YTHDC2: variants seen among roughly 807,000 people sequenced by gnomAD.
YTHDC2 encodes the protein YTH N6-methyladenosine RNA binding protein C2, also known as 3'-5' RNA helicase YTHDC2.
In YTHDC2, 45 loss-of-function variants were observed where a neutral mutation model predicts 174.9. That is an observed-to-expected ratio of 0.26 (90% CI 0.20 to 0.33). The LOEUF (loss-of-function observed/expected upper bound fraction) is 0.33. YTHDC2 is among the 10% of genes least tolerant of loss of function. The probability of loss-of-function intolerance (pLI) is 1.00; values close to 1 mark genes in which losing one functional copy is unlikely to be tolerated. For missense variants in YTHDC2, 1,650 were observed against 1,723.7 expected (o/e 0.96, Z 0.76); for synonymous variants, 657 against 574.5 (o/e 1.14, Z -2.05).
chr5:113,518,149 A>G (rs982245789), intron 2 of YTHDC2, among the ~76,000 whole-genome samples: 6 of 150,016 alleles, frequency 4.0e-5, no homozygotes, highest in Non-Finnish European at 7.4e-5. Context: ...TGGCCTCCCA[A>G]AGTGCTGGGA....
chr5:113,557,726 C>T (rs976879544), intron 17 of YTHDC2, among the ~76,000 whole-genome samples: 23 of 151,982 alleles, frequency 1.5e-4, no homozygotes, highest in African/African-American at 5.1e-4. Flanking sequence ...CCTGGGAGGT[C>T]GAGGCTGCAG....
At chr5:113,526,834 T>A (rs1179507904) in intron 4 of YTHDC2, 49 bp downstream of exon 4, 48 of 354,844 alleles carry the variant, frequency 1.4e-4, no homozygotes, top group African/African-American at 7.7e-4. Flanking sequence ...AAAATATATA[T>A]ATATATATAT....
chr5:113,526,819 AAAAAAAAAT>A (rs753782889), intron 4 of YTHDC2, 34 bp downstream of exon 4: 130 of 403,510 alleles, frequency 3.2e-4, no homozygotes, highest in Non-Finnish European at 4.3e-4. Context: ...TAGAAAAAAA[AAAAAAAAAT>A]ATATATATAT....
chr5:113,589,209 T>C (rs67881502), intron 26 of YTHDC2, among the ~76,000 whole-genome samples: 11,742 of 151,512 alleles, frequency 0.077, 654 homozygotes, highest in Non-Finnish European at 0.1. Flanking sequence ...CTCATATGGT[T>C]CCACAGGTCA....
Position 113,541,057 on chromosome 5 carries a change from AATG to A in YTHDC2, c.1301_1303del (p.Asn434_Val435delinsMet), listed in dbSNP as rs1421801400. ...ATCTCAGAGGCAGAGAACTGTTCTA[AATG>A]TGACTGATGAGTATGACTTACTGGA... On this transcript the variant is annotated inframe_deletion, in exon 9 of 30. Coordinates refer to ENST00000161863, the MANE Select transcript of YTHDC2 (RefSeq NM_022828.5). 2 of 1,614,062 alleles carry A rather than the reference AATG, an allele frequency of 1.2e-6. No homozygotes were observed. The highest frequency in any genetic ancestry group is 2.7e-5 in the African/African-American group (2 of 74,916).
At chr5:113,543,357 G>T (rs537868904) in intron 10 of YTHDC2, among the ~76,000 whole-genome samples, 26 of 152,284 alleles carry the variant, frequency 1.7e-4, no homozygotes, top group African/African-American at 5.8e-4. Flanking sequence ...AAAGCATACA[G>T]AAAGTCTGCT....
At chr5:113,539,970 T>A (rs1209639441) in intron 8 of YTHDC2, among the ~76,000 whole-genome samples, 1 of 152,202 alleles carries the variant, frequency 6.6e-6, no homozygotes, top group Non-Finnish European at 1.5e-5. Context: ...GGTGCAATCA[T>A]GGCTCACTGC....
At position 113,515,323 on chromosome 5, in the gene YTHDC2, G is replaced by A. The variant is rs746779364; in HGVS notation, c.239G>A (p.Arg80Gln). The A allele has an allele frequency of 1.9e-5, 30 of 1,612,448 alleles. No individual in the cohort carries two copies. In the South Asian group the frequency reaches 2.6e-4, roughly 14 times the overall value. The change falls in exon 2 of 30, where the codon CGA (arginine) becomes CAA (glutamine). Residue 80 changes from arginine (R) to glutamine (Q), a missense_variant. Coordinates refer to ENST00000161863, the MANE Select transcript of YTHDC2 (RefSeq NM_022828.5). Reference protein sequence around the residue: ...LTSTERAFIHRLSQSLGLVSK... With the variant: ...LTSTERAFIHQLSQSLGLVSK... ...AGTACTGAAAGAGCCTTTATTCATC[G>A]ACTCAGTCAGTCTCTTGGTTTGGTC...
intron 18 of YTHDC2, among the ~76,000 whole-genome samples, chr5:113,561,711 C>T (rs1306060636): frequency 6.6e-6 from 1 of 152,056 alleles, no homozygotes; most frequent in Non-Finnish European, 1.5e-5. Flanking sequence ...TCATGATTCA[C>T]CCGCCTCAGC....
rs535775954 is a variant in YTHDC2, at chr5:113,594,809, T to C, written c.*1335T>C. 3.9e-5 allele frequency: 6 copies of C among 152,280 alleles called. No individual in the cohort carries two copies. The South Asian group carries it at 1.2e-3, about 32-fold the overall frequency. The allele number at this position is 152,280 out of a possible 1,614,324, so 9.4% of individuals were successfully genotyped here. A position where few individuals can be genotyped will look rare whatever the true frequency, so the allele number is the denominator to read the frequency against. On this transcript the variant is annotated 3_prime_UTR_variant, in exon 30 of 30. Transcript: ENST00000161863. ...CAAAAAGAAAACTCTGGTTTTATAT[T>C]TGAGAACACGTGAAAAATCATGGGT...
rs771833760 is a variant in YTHDC2, at chr5:113,553,289, C to T, written c.1797C>T (p.Phe599=). The part of the protein sequence containing the change: ...RELLKAYHHS[F]DDEKVDLDLI... ...TCCTGAAAGCTTATCATCATAGTTTCGATGATGAAAAAGTAGACTTGGATT... is the reference window on the plus strand; with the variant it reads ...TCCTGAAAGCTTATCATCATAGTTTTGATGATGAAAAAGTAGACTTGGATT... The change falls in exon 13 of 30, where the codon TTC becomes TTT. Residue 599 remains phenylalanine (F), a synonymous_variant. Coordinates refer to ENST00000161863, the MANE Select transcript of YTHDC2 (RefSeq NM_022828.5). The T allele has an allele frequency of 1.1e-5, 17 of 1,608,380 alleles. No individual in the cohort carries two copies. Among genetic ancestry groups the T allele is most frequent in the South Asian group, 8.8e-5 (8 of 90,724 alleles).
At chr5:113,527,692 C>A (rs936194716) in intron 4 of YTHDC2, among the ~76,000 whole-genome samples, 1 of 152,138 alleles carries the variant, frequency 6.6e-6, no homozygotes, top group African/African-American at 2.4e-5. Flanking sequence ...AGAATTATAT[C>A]TGTTTATCCT....
intron 1 of YTHDC2, among the ~76,000 whole-genome samples, chr5:113,515,036 A>G (rs776293740): frequency 1.3e-5 from 2 of 152,176 alleles, no homozygotes; most frequent in Non-Finnish European, 2.9e-5. Flanking sequence ...TTTAATACAT[A>G]GCTGTCTTTT....
intron 12 of YTHDC2, 24 bp downstream of exon 12, chr5:113,549,044 T>C (rs773982889): frequency 1.9e-6 from 3 of 1,577,164 alleles, no homozygotes; most frequent in Non-Finnish European, 2.6e-6. Flanking sequence ...CTATTTTAAA[T>C]TAATTCTACC....
intron 8 of YTHDC2, among the ~76,000 whole-genome samples, chr5:113,539,606 T>C (rs547548682): frequency 6.8e-4 from 104 of 152,266 alleles, no homozygotes; most frequent in Non-Finnish European, 1.3e-3. Flanking sequence ...ATTTCATTGA[T>C]ACTTTGAATT....
At chr5:113,548,778 G>A in intron 11 of YTHDC2, 111 bp downstream of exon 11, 2 of 1,253,858 alleles carry the variant, frequency 1.6e-6, no homozygotes, top group Non-Finnish European at 2.1e-6. Context: ...ATAATTGCTG[G>A]TGAATTTCTG....
At chr5:113,543,348 A>G (rs1447344116) in intron 10 of YTHDC2, among the ~76,000 whole-genome samples, 1 of 152,220 alleles carries the variant, frequency 6.6e-6, no homozygotes, top group Non-Finnish European at 1.5e-5. Flanking sequence ...TAAGGCAGCA[A>G]AGCATACAGA....
chr5:113,542,412 A>G lies in YTHDC2; in HGVS notation c.1404A>G (p.Glu468=). The change falls in exon 10 of 30, where the codon GAA becomes GAG. Residue 468 remains glutamate, a synonymous_variant. Transcript: ENST00000161863. The stretch of plus-strand genomic sequence containing the variant: ...GCCTTGAACCATGGTTAATAAAGGA[A>G]ATGGATGCTTGCCTTTCTGATATAT... ...VNCLEPWLIK[E]MDACLSDIWL... The G allele has an allele frequency of 6.2e-7, 1 of 1,612,924 alleles. No homozygotes were observed. Among genetic ancestry groups the G allele is most frequent in the Non-Finnish European group, 8.5e-7 (1 of 1,179,642 alleles).
At chr5:113,538,926 A>G in intron 7 of YTHDC2, 148 bp from the exon 8 acceptor site, 1 of 435,496 alleles carries the variant, frequency 2.3e-6, no homozygotes, top group South Asian at 4.1e-5. Flanking sequence ...TCAAAGTTAT[A>G]GTTAAAGGAC....
Sources: allele counts gnomAD v4.1 joint callset (sites outside exome capture counted in the v4.1 genomes callset), GRCh38; gene constraint gnomAD v4.1.1; transcripts MANE v1.5; gene names NCBI Gene and HGNC (gene_info 2026-07-23, HGNC 2026-07-21).